ZNF267: variants seen among roughly 807,000 people sequenced by gnomAD.
The protein encoded by ZNF267 is zinc finger (C2H2).
In ZNF267, 61 loss-of-function variants were observed where a neutral mutation model predicts 71.6. That is an observed-to-expected ratio of 0.85 (90% CI 0.69 to 1.05). ZNF267 has a LOEUF of 1.05. ZNF267 is among the 50% of genes least tolerant of loss of function. The pLI, the probability that ZNF267 is intolerant of heterozygous loss-of-function variation, is 0.00. For missense variants in ZNF267, 852 were observed against 870.0 expected, an observed-to-expected ratio of 0.98 and a Z score of 0.26; for synonymous variants, 288 against 293.2, an observed-to-expected ratio of 0.98 and a Z score of 0.18.
At chr16:31,903,708 A>G (rs1169385895) in intron 3 of ZNF267, among the ~76,000 whole-genome samples, 3 of 151,966 alleles carry the variant, frequency 2.0e-5, no homozygotes, top group East Asian at 1.9e-4. Flanking sequence ...CTATGGGTCT[A>G]TGAATTTTGT....
chr16:31,882,098 A>G (rs2083894536), intron 1 of ZNF267, among the ~76,000 whole-genome samples: 1 of 152,242 alleles, frequency 6.6e-6, no homozygotes, highest in Non-Finnish European at 1.5e-5. Context: ...CCTGCTGGGA[A>G]TTATGGGATA....
At chr16:31,874,209 G>A (rs1053700672) in intron 1 of ZNF267, 3 of 502,516 alleles carry the variant, frequency 6.0e-6, no homozygotes, top group South Asian at 2.6e-5. Context: ...GTCCCTGGCC[G>A]GAGCCCTCTC....
chr16:31,901,681 A>G (rs938898458), intron 3 of ZNF267, among the ~76,000 whole-genome samples: 2 of 152,004 alleles, frequency 1.3e-5, no homozygotes, highest in African/African-American at 4.8e-5. Context: ...TTCATTGTAG[A>G]TTCTGGATAT....
At chr16:31,890,759 C>T (rs529524440) in intron 3 of ZNF267, among the ~76,000 whole-genome samples, 63 of 152,322 alleles carry the variant, frequency 4.1e-4, no homozygotes, top group Non-Finnish European at 4.4e-5. Flanking sequence ...ATAACAGACT[C>T]ACTTTTGTGA....
At chr16:31,892,420 C>T (rs1227161085) in intron 3 of ZNF267, among the ~76,000 whole-genome samples, 1 of 152,128 alleles carries the variant, frequency 6.6e-6, no homozygotes, top group African/African-American at 2.4e-5. Context: ...TATCATTCCG[C>T]CCCTGGCCTC....
Position 31,916,501 on chromosome 16 carries a change from G to C in ZNF267, c.*20G>C. ...CTTTAAAAATGTAAAACATGGAGCA[G>C]ATTTTTTACTTGTTACCCATGTCTT... On this transcript the variant is annotated 3_prime_UTR_variant, in exon 4 of 4. Coordinates refer to ENST00000300870, the MANE Select transcript of ZNF267 (RefSeq NM_003414.6). 6.3e-7 allele frequency: 1 copy of C among 1,590,964 alleles called. No individual in the cohort carries two copies. The highest frequency in any genetic ancestry group is 1.1e-5 in the South Asian group (1 of 87,676).
At position 31,916,327 on chromosome 16, in the gene ZNF267, G is replaced by C; in HGVS notation, c.2078G>C (p.Cys693Ser). 4.3e-6 allele frequency: 7 copies of C among 1,614,128 alleles called. No homozygotes were observed. The highest frequency in any genetic ancestry group is 5.9e-6 in the Non-Finnish European group (7 of 1,180,002). Residue 693 changes from cysteine to serine, a missense_variant, in exon 4 of 4, where the codon TGT becomes TCT. Cys to Ser is a moderately radical substitution (Grantham distance 112). Coordinates refer to ENST00000300870, the MANE Select transcript of ZNF267 (RefSeq NM_003414.6). ...GAGAGACCCTACAAATGTGATGAATGTGGTAAAGCCTTCAGCTATAGGTCA... is the reference window on the plus strand; with the variant it reads ...GAGAGACCCTACAAATGTGATGAATCTGGTAAAGCCTTCAGCTATAGGTCA... ...TGERPYKCDE[C>S]GKAFSYRSYL...
At chr16:31,893,136 G>A (rs901629063) in intron 3 of ZNF267, among the ~76,000 whole-genome samples, 6 of 152,204 alleles carry the variant, frequency 3.9e-5, no homozygotes, top group East Asian at 1.9e-4. Flanking sequence ...CCCAATCCTC[G>A]ACTTCTGTAC....
intron 3 of ZNF267, among the ~76,000 whole-genome samples, chr16:31,889,714 G>A (rs901388791): frequency 2.0e-5 from 3 of 152,146 alleles, no homozygotes; most frequent in Non-Finnish European, 4.4e-5. Context: ...GCAAGAGCAG[G>A]AGCACCAGAC....
rs775437976 is a variant in ZNF267 at position 31,885,196 on chromosome 16, T to C, written c.166T>C (p.Leu56=). The change falls in exon 3 of 4, where the codon TTG becomes CTG. Residue 56 remains leucine (L), a synonymous_variant. Transcript: ENST00000300870. The part of the protein sequence containing the change: ...VVSKPDLITF[L]EQRKEPWNVK... ...CTCTAAGCCGGACCTGATCACCTTT[T>C]TGGAACAAAGGAAAGAGCCTTGGAA... 3 of 1,611,154 alleles carry C rather than the reference T, an allele frequency of 1.9e-6. No homozygotes were observed. In the South Asian group the frequency reaches 3.3e-5, roughly 18 times the overall value.
chr16:31,874,201 C>G (rs1413171404), intron 1 of ZNF267: 4 of 509,108 alleles, frequency 7.9e-6, no homozygotes, highest in Non-Finnish European at 1.4e-5. Context: ...GCGACCTCGT[C>G]CCTGGCCGGA....
chr16:31,874,058 C>G (rs1300239961), intron 1 of ZNF267, 89 bp downstream of exon 1: 1 of 1,448,686 alleles, frequency 6.9e-7, no homozygotes, highest in African/African-American at 1.4e-5. Context: ...CCGGGCCTCC[C>G]CGCAGTCAGC....
intron 3 of ZNF267, among the ~76,000 whole-genome samples, chr16:31,905,971 G>T (rs1464319424): frequency 6.6e-6 from 1 of 152,116 alleles, no homozygotes; most frequent in Non-Finnish European, 1.5e-5. Flanking sequence ...TGGTGTGGTT[G>T]TCCTTTCCGT....
chr16:31,916,276 C>G lies in ZNF267; in HGVS notation c.2027C>G (p.Thr676Ser). Residue 676 changes from threonine (T) to serine (S), a missense_variant, in exon 4 of 4, where the codon ACT becomes AGT. Transcript: ENST00000300870. The part of the protein sequence containing the change: ...GKAFNSRSYL[T>S]THRRRHTGER... Reference sequence around the variant, plus strand: ...GCCTTCAACTCTAGGTCATACCTCACTACACATCGGAGAAGACATACTGGA... The same window carrying G: ...GCCTTCAACTCTAGGTCATACCTCAGTACACATCGGAGAAGACATACTGGA... The G allele has an allele frequency of 6.2e-7, 1 of 1,613,048 alleles. No homozygotes were observed. The highest frequency in any genetic ancestry group is 8.5e-7 in the Non-Finnish European group (1 of 1,179,740).
rs927965199 is a variant in ZNF267, at chr16:31,875,239, A to G, written c.3+1270A>G. ...ATGACTCAAGATGCCCACAGTGGCC[A>G]TGTCTCCTGGAGTGTTTAGTGACTG... On this transcript the variant is annotated intron_variant, in intron 1 of 3. Transcript: ENST00000300870. 2.3e-6 allele frequency: 3 copies of G among 1,289,056 alleles called. No individual in the cohort carries two copies. In the African/African-American group the frequency reaches 4.6e-5, roughly 20 times the overall value. 79.9% of individuals were successfully genotyped at this position (1,289,056 alleles called of 1,614,324 possible). A position where few individuals can be genotyped will look rare whatever the true frequency, so the allele number is the denominator to read the frequency against.
chr16:31,877,855 C>G (rs186291338), intron 1 of ZNF267, among the ~76,000 whole-genome samples: 69 of 152,124 alleles, frequency 4.5e-4, no homozygotes, highest in African/African-American at 1.6e-3. Flanking sequence ...TCTCATTTGG[C>G]TGTTCTGAAC....
chr16:31,914,797 T>C lies in ZNF267; in HGVS notation c.548T>C (p.Ile183Thr), dbSNP rs775766164. The C allele has an allele frequency of 8.7e-6, 14 of 1,612,980 alleles. No individual in the cohort carries two copies. In the African/African-American group the frequency reaches 1.5e-4, roughly 17 times the overall value. Residue 183 changes from isoleucine (I) to threonine (T), a missense_variant, in exon 4 of 4, where the codon ATT (isoleucine) becomes ACT (threonine). Transcript: ENST00000300870. ...CTTAATCAACAAGAGGAAATAGATA[T>C]TTGGGGAAAACATCACATATATGAT... ...SLLNQQEEID[I>T]WGKHHIYDKT...
chr16:31,891,550 AT>A (rs1215867302), intron 3 of ZNF267, among the ~76,000 whole-genome samples: 3 of 152,152 alleles, frequency 2.0e-5, no homozygotes, highest in Non-Finnish European at 2.9e-5. Flanking sequence ...GAGGGACCCA[AT>A]GGGAGGTAAT....
At chr16:31,910,805 AT>A (rs920896500) in intron 3 of ZNF267, among the ~76,000 whole-genome samples, 2 of 150,726 alleles carry the variant, frequency 1.3e-5, no homozygotes, top group Admixed American at 6.6e-5. Flanking sequence ...AGGTTATATG[AT>A]TTTTTTCTTT....
Sources: gnomAD v4.1 joint callset for allele counts (sites outside exome capture counted in the v4.1 genomes callset) on GRCh38, gnomAD v4.1.1 for gene constraint, MANE v1.5 for transcripts, NCBI Gene and HGNC (gene_info 2026-07-23, HGNC 2026-07-21) for gene names.